Variants in NEGR1 observed in about 807,000 individuals in gnomAD.
The protein encoded by NEGR1 is neuronal growth regulator 1, also known as IgLON family member 4.
In NEGR1, 10 loss-of-function variants were observed where a neutral mutation model predicts 40.9. The observed-to-expected ratio is 0.24, with a 90% CI of 0.15 to 0.42. The LOEUF (loss-of-function observed/expected upper bound fraction) is 0.42, where lower values mean the gene tolerates loss of function less well. Among genes scored for constraint, NEGR1 ranks in the 10% least tolerant of loss-of-function variants. The pLI is 1.00. For synonymous variants in NEGR1, 185 were observed against 166.8 expected, an observed-to-expected ratio of 1.11 and a Z score of -0.84; for missense variants, 352 against 438.9, an observed-to-expected ratio of 0.80 and a Z score of 1.77.
chr1:71,673,575 G>A (rs1652509484), intron 4 of NEGR1, among the ~76,000 whole-genome samples: 1 of 151,854 alleles, frequency 6.6e-6, no homozygotes, highest in Admixed American at 6.6e-5. Flanking sequence ...CTCAAAATTG[G>A]AAACATTATT....
At chr1:71,998,709 A>G (rs1248783981) in intron 1 of NEGR1, among the ~76,000 whole-genome samples, 1 of 151,450 alleles carries the variant, frequency 6.6e-6, no homozygotes, top group South Asian at 2.1e-4. Context: ...ATAGAGATAT[A>G]AATATATTCA....
chr1:71,493,220 C>G (rs1646940877), intron 6 of NEGR1, among the ~76,000 whole-genome samples: 1 of 152,102 alleles, frequency 6.6e-6, no homozygotes. Context: ...TCTCCCTCAT[C>G]TAAATCATTC....
chr1:71,440,841 G>C (rs1359223002), intron 6 of NEGR1, among the ~76,000 whole-genome samples: 1 of 152,164 alleles, frequency 6.6e-6, no homozygotes, highest in Non-Finnish European at 1.5e-5. Context: ...GTGTGTCTGG[G>C]TTTAGATCAG....
chr1:72,211,780 T>C (rs1653616549), intron 1 of NEGR1, among the ~76,000 whole-genome samples: 1 of 151,770 alleles, frequency 6.6e-6, no homozygotes, highest in South Asian at 2.1e-4. Context: ...TTTTTAAGAA[T>C]GTAAAGGTGA....
At chr1:71,710,621 C>A (rs544832027) in intron 3 of NEGR1, among the ~76,000 whole-genome samples, 6 of 151,988 alleles carry the variant, frequency 3.9e-5, no homozygotes, top group African/African-American at 1.5e-4. Flanking sequence ...ATATGCCAGG[C>A]ACAGAAAGAC....
intron 2 of NEGR1, among the ~76,000 whole-genome samples, chr1:71,848,750 T>C (rs1290052832): frequency 6.6e-6 from 1 of 152,176 alleles, no homozygotes; most frequent in Admixed American, 6.6e-5. Flanking sequence ...TTGTAGCCCA[T>C]GGATCAAGGT....
At chr1:71,771,058 C>T (rs1656300380) in intron 3 of NEGR1, among the ~76,000 whole-genome samples, 1 of 152,082 alleles carries the variant, frequency 6.6e-6, no homozygotes, top group African/African-American at 2.4e-5. Flanking sequence ...ACCCAAATGC[C>T]CATCAATGAT....
chr1:72,176,185 T>C (rs1009740159), intron 1 of NEGR1, among the ~76,000 whole-genome samples: 4 of 152,100 alleles, frequency 2.6e-5, no homozygotes, highest in African/African-American at 4.8e-5. Flanking sequence ...GTTCTAGCAA[T>C]GGTATGTAGA....
At chr1:72,004,802 A>G (rs1171070686) in intron 1 of NEGR1, among the ~76,000 whole-genome samples, 1 of 152,190 alleles carries the variant, frequency 6.6e-6, no homozygotes. Flanking sequence ...ACCACTGCAT[A>G]ATACATTTCA....
chr1:71,815,386 T>C (rs1446704222), intron 2 of NEGR1, among the ~76,000 whole-genome samples: 4 of 151,994 alleles, frequency 2.6e-5, no homozygotes, highest in Non-Finnish European at 5.9e-5. Flanking sequence ...TATTCTGTTG[T>C]TTTTGGGTGG....
intron 3 of NEGR1, among the ~76,000 whole-genome samples, chr1:71,715,161 C>A (rs1654233865): frequency 6.6e-6 from 1 of 152,188 alleles, no homozygotes; most frequent in South Asian, 2.1e-4. Flanking sequence ...CCCTCTGAAG[C>A]CCCAGCCAGA....
At chr1:71,980,378 C>A (rs1646344121) in intron 1 of NEGR1, among the ~76,000 whole-genome samples, 1 of 152,120 alleles carries the variant, frequency 6.6e-6, no homozygotes, top group Non-Finnish European at 1.5e-5. Context: ...AAATATTGTA[C>A]ATTTTCCATG....
chr1:71,671,603 C>T (rs966207339), intron 4 of NEGR1, among the ~76,000 whole-genome samples: 2 of 152,134 alleles, frequency 1.3e-5, no homozygotes, highest in African/African-American at 4.8e-5. Flanking sequence ...TTGCCAAGTT[C>T]ATCACAATCT....
chr1:72,255,547 C>CTT (rs35452808), intron 1 of NEGR1, among the ~76,000 whole-genome samples: 24,628 of 124,888 alleles, frequency 0.2, 3,128 homozygotes, highest in Non-Finnish European at 0.29. Context: ...AAAAATACTT[C>CTT]TTTTTTTTTT....
intron 2 of NEGR1, among the ~76,000 whole-genome samples, chr1:71,915,676 A>C (rs1661556179): frequency 6.6e-6 from 1 of 152,170 alleles, no homozygotes; most frequent in Non-Finnish European, 1.5e-5. Context: ...GTCCACGTTC[A>C]GATAAGTCTT....
At chr1:72,073,073 G>T (rs941245486) in intron 1 of NEGR1, among the ~76,000 whole-genome samples, 1 of 152,150 alleles carries the variant, frequency 6.6e-6, no homozygotes, top group African/African-American at 2.4e-5. Flanking sequence ...GGGAGGAAAA[G>T]GATGCAGGAT....
intron 1 of NEGR1, among the ~76,000 whole-genome samples, chr1:72,112,619 T>C (rs1007992715): frequency 2.6e-5 from 4 of 151,562 alleles, no homozygotes; most frequent in African/African-American, 9.7e-5. Context: ...TGGATCTTGG[T>C]CACAAGCCCT....
chr1:72,124,510 G>A (rs2821239), intron 1 of NEGR1, among the ~76,000 whole-genome samples: 79,748 of 151,744 alleles, frequency 0.53, 21,311 homozygotes, highest in African/African-American at 0.62. Flanking sequence ...ATAAGGAAAG[G>A]TTCCCGGGAC....
At chr1:72,254,762 GACA>G (rs898731894) in intron 1 of NEGR1, among the ~76,000 whole-genome samples, 1 of 150,700 alleles carries the variant, frequency 6.6e-6, no homozygotes, top group African/African-American at 2.4e-5. Context: ...CAATAGCCAG[GACA>G]ACGTTGACAT....
Sources: gnomAD v4.1 joint callset for allele counts (sites outside exome capture counted in the v4.1 genomes callset) on GRCh38, gnomAD v4.1.1 for gene constraint, MANE v1.5 for transcripts, NCBI Gene and HGNC (gene_info 2026-07-23, HGNC 2026-07-21) for gene names.